MAGI1: variants seen among roughly 807,000 people sequenced by gnomAD.
The protein encoded by MAGI1 is membrane-associated guanylate kinase, WW and PDZ domain-containing protein 1.
In MAGI1, 58 loss-of-function variants were observed where a neutral mutation model predicts 139.9. The ratio of observed to expected loss-of-function variants is 0.41; its 90% CI spans 0.34 to 0.52. The LOEUF is 0.52. Among genes scored for constraint, MAGI1 ranks in the 20% least tolerant of loss-of-function variants. The probability of loss-of-function intolerance (pLI) is 0.12; values close to 1 mark genes in which losing one functional copy is unlikely to be tolerated. For synonymous variants in MAGI1, 812 were observed against 737.9 expected, an observed-to-expected ratio of 1.10 and a Z score of -1.63; for missense variants, 1,874 against 1,901.6, an observed-to-expected ratio of 0.99 and a Z score of 0.27.
chr3:65,652,893 T>G (rs2085664903), intron 1 of MAGI1, among the ~76,000 whole-genome samples: 1 of 152,120 alleles, frequency 6.6e-6, no homozygotes, highest in Non-Finnish European at 1.5e-5. Flanking sequence ...AAAGCCATGA[T>G]GCCCAAAACT....
intron 2 of MAGI1, among the ~76,000 whole-genome samples, chr3:65,570,088 T>TATC (rs1474861482): frequency 6.9e-6 from 1 of 145,568 alleles, no homozygotes; most frequent in Non-Finnish European, 1.5e-5. Flanking sequence ...TTATTATTAT[T>TATC]ATTATTATTA....
intron 2 of MAGI1, among the ~76,000 whole-genome samples, chr3:65,596,816 C>A (rs1477738475): frequency 6.6e-6 from 1 of 152,236 alleles, no homozygotes; most frequent in African/African-American, 2.4e-5. Context: ...AAGCCAGACT[C>A]TGGATTCTGT....
chr3:66,031,836 A>C (rs1576527792), intron 1 of MAGI1, among the ~76,000 whole-genome samples: 1 of 152,048 alleles, frequency 6.6e-6, no homozygotes, highest in African/African-American at 2.4e-5. Flanking sequence ...GGAAAGAATC[A>C]TTTTTAGGCA....
At chr3:65,738,190 G>A (rs61068173) in intron 1 of MAGI1, among the ~76,000 whole-genome samples, 4,396 of 152,188 alleles carry the variant, frequency 0.029, 222 homozygotes, top group African/African-American at 0.098. Context: ...CCTGATGACC[G>A]CCATAAAGTG....
intron 1 of MAGI1, among the ~76,000 whole-genome samples, chr3:66,037,503 C>G (rs1468856028): frequency 1.3e-5 from 2 of 152,132 alleles, no homozygotes; most frequent in Admixed American, 6.5e-5. Context: ...GGTGTCCTAG[C>G]TCACCTGGAG....
At chr3:65,359,352 C>T (rs980144917) in intron 22 of MAGI1, 34 of 1,366,858 alleles carry the variant, frequency 2.5e-5, no homozygotes, top group African/African-American at 1.0e-4. Flanking sequence ...AGACCGCAAT[C>T]GGAACAGTGA....
At chr3:65,447,892 C>G in intron 7 of MAGI1, 130 bp downstream of exon 7, 1 of 1,077,440 alleles carries the variant, frequency 9.3e-7, no homozygotes, top group South Asian at 1.3e-5. Context: ...CCTGGATAAG[C>G]TAGAATGAAA....
chr3:66,008,987 C>T (rs1362929784), intron 1 of MAGI1: 2 of 152,282 alleles, frequency 1.3e-5, no homozygotes, highest in African/African-American at 2.4e-5. Flanking sequence ...CAGCTATCCC[C>T]ATTTGTATAA....
At position 65,755,727 on chromosome 3, in the gene MAGI1, T is replaced by C. The variant is rs138618443; in HGVS notation, c.314-133639A>G. On this transcript the variant is annotated intron_variant, in intron 1 of 22. Coordinates refer to ENST00000402939, the MANE Select transcript of MAGI1 (RefSeq NM_001033057.2). The stretch of plus-strand genomic sequence containing the variant: ...AATAATGAAACTAACTTACCCACAA[T>C]TGAGTAAGCCTAAAAAAAATTCAGG... 2.7e-3 allele frequency among the ~76,000 whole-genome samples: 408 copies of C among 152,246 alleles called. 2 individuals are homozygous for C. The highest frequency in any genetic ancestry group is 6.8e-3 in the Middle Eastern group (2 of 294).
intron 1 of MAGI1, among the ~76,000 whole-genome samples, chr3:65,674,533 C>A (rs2087064193): frequency 1.3e-5 from 2 of 152,178 alleles, no homozygotes; most frequent in Admixed American, 1.3e-4. Flanking sequence ...TACTAACTAA[C>A]ACAGTTTGGC....
At chr3:65,584,526 C>T (rs181067459) in intron 2 of MAGI1, among the ~76,000 whole-genome samples, 88 of 152,156 alleles carry the variant, frequency 5.8e-4, no homozygotes, top group African/African-American at 2.0e-3. Context: ...TTCAAGTGGA[C>T]GAGAAACCTA....
intron 1 of MAGI1, among the ~76,000 whole-genome samples, chr3:65,754,424 T>C (rs1251337850): frequency 6.6e-6 from 1 of 152,252 alleles, no homozygotes; most frequent in Non-Finnish European, 1.5e-5. Flanking sequence ...CATTTTATGC[T>C]CACTCACTTG....
chr3:65,544,193 A>G (rs573951608), intron 2 of MAGI1, among the ~76,000 whole-genome samples: 9 of 152,290 alleles, frequency 5.9e-5, no homozygotes, highest in East Asian at 5.8e-4. Context: ...ATAATAAATG[A>G]TGACTACTTT....
In MAGI1 at chr3:65,359,685, C is replaced by T. The variant is rs970681153; in HGVS notation, c.3634+1514G>A. ...AATTAGAGAGATTTAGTCCAAGTGACGCATGGAGACATTACAGTAGCACAA... is the reference window on the plus strand; with the variant it reads ...AATTAGAGAGATTTAGTCCAAGTGATGCATGGAGACATTACAGTAGCACAA... On this transcript the variant is annotated intron_variant, in intron 22 of 22. Transcript: ENST00000402939. 20 of 987,262 alleles carry T rather than the reference C, an allele frequency of 2.0e-5. No homozygotes were observed. In the African/African-American group the frequency reaches 2.1e-4, roughly 10 times the overall value. The allele number at this position is 987,262 out of a possible 1,614,324, so 61.2% of individuals were successfully genotyped here. A position where few individuals can be genotyped will look rare whatever the true frequency, so the allele number is the denominator to read the frequency against.
Position 65,363,521 on chromosome 3 carries a change from G to A in MAGI1, c.3439C>T (p.Leu1147Phe). 6.2e-7 allele frequency: 1 copy of A among 1,614,020 alleles called. No homozygotes were observed. Among genetic ancestry groups the A allele is most frequent in the Non-Finnish European group, 8.5e-7 (1 of 1,179,948 alleles). The change falls in exon 21 of 23, where the codon CTC becomes TTC. Residue 1147 changes from leucine to phenylalanine, a missense_variant. This residue lies in a region of MAGI1 where 653 missense variants were observed against 644.5 expected (regional missense o/e 1.01). Coordinates refer to ENST00000402939, the MANE Select transcript of MAGI1 (RefSeq NM_001033057.2). ...TCCTCTGCTAAGCGCAGAACATAGA[G>A]GTCCATGTTATACTCTCGGCCTCCT... ...LRGGREYNMD[L>F]YVLRLAEDGP...
At chr3:65,699,972 C>A (rs1266369782) in intron 1 of MAGI1, among the ~76,000 whole-genome samples, 3 of 151,964 alleles carry the variant, frequency 2.0e-5, no homozygotes, top group South Asian at 2.1e-4. Context: ...GAAGGTAGGG[C>A]CCCAGAAATC....
At chr3:65,555,722 G>A (rs2080052693) in intron 2 of MAGI1, among the ~76,000 whole-genome samples, 1 of 152,176 alleles carries the variant, frequency 6.6e-6, no homozygotes, top group Non-Finnish European at 1.5e-5. Context: ...GCCAGGCATA[G>A]TGATGCGTGC....
intron 1 of MAGI1, among the ~76,000 whole-genome samples, chr3:65,917,457 C>A (rs2061958859): frequency 6.6e-6 from 1 of 152,156 alleles, no homozygotes; most frequent in South Asian, 2.1e-4. Flanking sequence ...CCTTGGTATT[C>A]AGCAAAGGAG....
At chr3:65,915,565 A>G (rs1433557790) in intron 1 of MAGI1, among the ~76,000 whole-genome samples, 1 of 152,208 alleles carries the variant, frequency 6.6e-6, no homozygotes, top group East Asian at 1.9e-4. Flanking sequence ...TGGACTGGGA[A>G]GAGGAAAAAC....
Sources: allele counts gnomAD v4.1 joint callset (sites outside exome capture counted in the v4.1 genomes callset), GRCh38; gene constraint gnomAD v4.1.1; regional missense constraint gnomAD v4.1.1; transcripts MANE v1.5; gene names NCBI Gene and HGNC (gene_info 2026-07-23, HGNC 2026-07-21).